NLRP7: variants seen among roughly 807,000 people sequenced by gnomAD.
NLRP7 encodes NACHT, LRR and PYD domains-containing protein 7.
In NLRP7, 72 loss-of-function variants were observed where a neutral mutation model predicts 85.5. The observed-to-expected ratio is 0.84, with a 90% confidence interval of 0.70 to 1.02. The LOEUF (loss-of-function observed/expected upper bound fraction) is 1.02, where lower values mean the gene tolerates loss of function less well. NLRP7 is among the 50% of genes least tolerant of loss of function. NLRP7 has a pLI of 0.00. For synonymous variants in NLRP7, 550 were observed against 505.2 expected, an observed-to-expected ratio of 1.09 and a Z score of -1.19; for missense variants, 1,243 against 1,219.5, an observed-to-expected ratio of 1.02 and a Z score of -0.29.
chr19:54,962,749 GC>G (rs2070096879), intron 1 of NLRP7, among the ~76,000 whole-genome samples: 5 of 150,158 alleles, frequency 3.3e-5, no homozygotes, highest in South Asian at 4.3e-4. Context: ...ACAGGCGCCC[GC>G]CACCACGCCC....
intron 9 of NLRP7, among the ~76,000 whole-genome samples, chr19:54,924,273 A>G (rs269923): frequency 0.64 from 96,913 of 152,012 alleles, 31,717 homozygotes; most frequent in East Asian, 0.83. Flanking sequence ...CAGTCAGAAA[A>G]GTTTTCTAAA....
exon 2 of NLRP7, chr19:54,941,709 C>T (rs1280648186): frequency 6.2e-7 from 1 of 1,612,066 alleles, no homozygotes; most frequent in East Asian, 2.2e-5. Context: ...GGGGCGATGT[C>T]ATAGTGCTCC....
At position 54,940,497 on chromosome 19, in the gene NLRP7, T is replaced by A. The variant is rs371678065; in HGVS notation, c.353-31A>T. ...GTGACAGCCCATAGGACAGTTGAGG[T>A]TGATGATGATGATTTTCTGAATTAT... On this transcript the variant is annotated intron_variant, in intron 3 of 9. Coordinates refer to ENST00000340844, the Ensembl canonical transcript of NLRP7. 1.1e-4 allele frequency: 171 copies of A among 1,610,184 alleles called. No individual in the cohort carries two copies. The African/African-American group carries it at 1.8e-3, about 17-fold the overall frequency.
rs1462933668 is a variant in NLRP7, at chr19:54,964,239, T to C, written c.-77+1801A>G. Among the ~76,000 whole-genome samples the C allele has an allele frequency of 9.4e-4, 88 of 93,760 alleles. 1 individual carries two copies. Among genetic ancestry groups the C allele is most frequent in the African/African-American group, 3.7e-3 (85 of 23,086 alleles). The allele number at this position is 93,760 out of a possible 152,430, so 61.5% of individuals were successfully genotyped here. On this transcript the variant is annotated intron_variant, in intron 1 of 2. Coordinates refer to the NLRP7 transcript ENST00000587103. ...TTTTTTTTTTTTTTTTTTTTTGAGA[T>C]GGAGCCTTGCTCTGTCGCCCAGGCT...
chr19:54,938,145 G>T (rs759801452), exon 5 of NLRP7: 4 of 1,614,036 alleles, frequency 2.5e-6, no homozygotes, highest in Non-Finnish European at 3.4e-6. Context: ...GAAACTTGAG[G>T]TTGCTGTTTG....
rs1389308134 is a variant in NLRP7 at position 54,940,238 on chromosome 19, T to G, written c.581A>C (p.Asp194Ala). ...CGGGCTGAGGTTGCAGTCTGTCCAG[T>G]CCAGCATACACTTTTTGGCCAGCGT... The change falls in exon 4 of 10, where the codon GAC becomes GCC. Residue 194 changes from aspartate to alanine, a missense_variant. By Grantham distance (126) the Asp-to-Ala change is moderately radical (BLOSUM62 -2). Transcript: ENST00000340844. 3.1e-6 allele frequency: 5 copies of G among 1,614,066 alleles called. No homozygotes were observed. In the Admixed American group the frequency reaches 8.3e-5, roughly 27 times the overall value.
chr19:54,947,042 A>T (rs2069505859), intron 1 of NLRP7, among the ~76,000 whole-genome samples: 3 of 152,146 alleles, frequency 2.0e-5, no homozygotes, highest in Admixed American at 6.6e-5. Flanking sequence ...TTAAGACATT[A>T]GGCCAGGCGT....
Position 54,927,821 on chromosome 19 carries a change from G to A in NLRP7, c.2810+2678C>T, listed in dbSNP as rs1257567375. ...AATCCACGCATTCACTGAGCAGGTA[G>A]TGGCTCAAGCGTGTAATCCCAACAC... On this transcript the variant is annotated intron_variant, in intron 9 of 9. Coordinates refer to ENST00000340844, the Ensembl canonical transcript of NLRP7. 3.8e-6 allele frequency: 6 copies of A among 1,573,574 alleles called. No individual in the cohort carries two copies. In the Admixed American group the frequency reaches 6.7e-5, roughly 18 times the overall value.
intron 1 of NLRP7, among the ~76,000 whole-genome samples, chr19:54,956,001 G>A (rs1365297338): frequency 3.3e-5 from 5 of 151,912 alleles, no homozygotes; most frequent in East Asian, 1.9e-4. Context: ...ATAGCCAACT[G>A]TGATCGTGCA....
intron 9 of NLRP7, among the ~76,000 whole-genome samples, chr19:54,927,111 G>A (rs559758897): frequency 4.1e-5 from 6 of 144,854 alleles, no homozygotes; most frequent in East Asian, 4.3e-4. Context: ...CAAAAAGGCC[G>A]GGTGCAATGG....
intron 9 of NLRP7, among the ~76,000 whole-genome samples, chr19:54,927,990 G>C (rs553298189): frequency 6.6e-6 from 1 of 152,302 alleles, no homozygotes; most frequent in South Asian, 2.1e-4. Context: ...CACCTTGGGA[G>C]GCCGAGGAGG....
At chr19:54,925,725 G>A (rs969792917) in intron 9 of NLRP7, among the ~76,000 whole-genome samples, 8 of 152,086 alleles carry the variant, frequency 5.3e-5, no homozygotes, top group Non-Finnish European at 7.4e-5. Flanking sequence ...GAGGCCGGGC[G>A]CGGTGGCTCA....
chr19:54,944,484 C>T (rs898972146), intron 1 of NLRP7, among the ~76,000 whole-genome samples: 2 of 152,078 alleles, frequency 1.3e-5, no homozygotes, highest in East Asian at 3.9e-4. Context: ...ATCCCCGTCT[C>T]CGAGATGGTA....
At chr19:54,962,425 G>A (rs1396693114) in intron 1 of NLRP7, among the ~76,000 whole-genome samples, 2 of 150,722 alleles carry the variant, frequency 1.3e-5, no homozygotes, top group East Asian at 4.0e-4. Flanking sequence ...CTGCCACTAC[G>A]CCTGGCTAAT....
chr19:54,938,209 C>T (rs1386999612), exon 5 of NLRP7: 15 of 1,613,914 alleles, frequency 9.3e-6, no homozygotes, highest in South Asian at 2.2e-5. Flanking sequence ...AAGATCCTGC[C>T]GAGCCCAGTT....
intron 1 of NLRP7, among the ~76,000 whole-genome samples, chr19:54,960,494 A>C (rs2070004865): frequency 6.6e-6 from 1 of 151,862 alleles, no homozygotes; most frequent in Non-Finnish European, 1.5e-5. Context: ...CCAGCCACCC[A>C]TGAGTTATGT....
At chr19:54,950,895 A>T (rs540003204), upstream of NLRP7, among the ~76,000 whole-genome samples, 3 of 152,200 alleles carry the variant, frequency 2.0e-5, no homozygotes, top group African/African-American at 7.2e-5. Context: ...TCAGGCTATC[A>T]CATGGGGAGA....
intron 9 of NLRP7, among the ~76,000 whole-genome samples, chr19:54,929,283 T>C (rs2068572645): frequency 6.6e-6 from 1 of 152,012 alleles, no homozygotes; most frequent in Admixed American, 6.6e-5. Flanking sequence ...GAGAATCGCT[T>C]GAACCTTGGA....
At chr19:54,938,220 C>A (rs370874996) in exon 5 of NLRP7, 2 of 1,613,878 alleles carry the variant, frequency 1.2e-6, no homozygotes, top group East Asian at 2.2e-5. Context: ...GAGCCCAGTT[C>A]GGAATGGTTA....
Sources: gnomAD v4.1 joint callset for allele counts (sites outside exome capture counted in the v4.1 genomes callset) on GRCh38, gnomAD v4.1.1 for gene constraint, MANE v1.5 for transcripts, NCBI Gene and HGNC (gene_info 2026-07-23, HGNC 2026-07-21) for gene names.